PHACTR3: variants seen among roughly 807,000 people sequenced by gnomAD.
The protein encoded by PHACTR3 is phosphatase and actin regulator 3.
PHACTR3 carries 16 observed loss-of-function variants against 66.8 expected under a neutral mutation model. The ratio of observed to expected loss-of-function variants is 0.24; its 90% confidence interval spans 0.16 to 0.36. The LOEUF (loss-of-function observed/expected upper bound fraction) is 0.36. Ranked by LOEUF, PHACTR3 falls within the 10% of genes least tolerant of loss-of-function variation. The pLI is 1.00. For synonymous variants in PHACTR3, 323 were observed against 292.1 expected (o/e 1.11, Z -1.08); for missense variants, 647 against 719.9 (o/e 0.90, Z 1.16).
At chr20:59,805,964 C>T in intron 7 of PHACTR3, 77 bp from the exon 8 acceptor site, 2 of 1,489,448 alleles carry the variant, frequency 1.3e-6, no homozygotes, top group Non-Finnish European at 1.8e-6. Context: ...TGGGCGGCTC[C>T]ATTGACAAGC....
chr20:59,748,289 A>G (rs7268532), intron 3 of PHACTR3, among the ~76,000 whole-genome samples: 9,039 of 151,852 alleles, frequency 0.06, 444 homozygotes, highest in African/African-American at 0.13. Context: ...GCGGGGTGGG[A>G]TATTGTGCAC....
chr20:59,598,819 G>C (rs2023391704), intron 1 of PHACTR3, among the ~76,000 whole-genome samples: 1 of 152,172 alleles, frequency 6.6e-6, no homozygotes, highest in Admixed American at 6.5e-5. Flanking sequence ...TGTTTTTCCA[G>C]GTGACCAGCA....
At chr20:59,812,388 A>G (rs976430046) in intron 8 of PHACTR3, among the ~76,000 whole-genome samples, 1 of 152,172 alleles carries the variant, frequency 6.6e-6, no homozygotes, top group African/African-American at 2.4e-5. Flanking sequence ...CCTCCAGAAC[A>G]CGCTGCACCC....
Position 59,773,165 on chromosome 20 carries a change from C to T in PHACTR3, c.752-114C>T, listed in dbSNP as rs183751499. 1,184 of 1,237,074 alleles carry T rather than the reference C, an allele frequency of 9.6e-4. 7 individuals are homozygous for T. In the African/African-American group the frequency reaches 0.016, roughly 17 times the overall value. The allele number at this position is 1,237,074 out of a possible 1,614,324, so 76.6% of individuals were successfully genotyped here. On this transcript the variant is annotated intron_variant, in intron 5 of 12. Coordinates refer to ENST00000371015, the MANE Select transcript of PHACTR3 (RefSeq NM_080672.5). ...CCAGCATCTTGGCATTAGTTGGGGC[C>T]CCTCCTGGAGGTGCAGGGGAGCGTC...
At chr20:59,578,920 G>T (rs989845249) in intron 1 of PHACTR3, among the ~76,000 whole-genome samples, 3 of 152,176 alleles carry the variant, frequency 2.0e-5, no homozygotes, top group Non-Finnish European at 4.4e-5. Context: ...CCTACTGAGC[G>T]CCAGTCCCAG....
intron 1 of PHACTR3, among the ~76,000 whole-genome samples, chr20:59,652,900 G>A (rs558098045): frequency 2.6e-5 from 4 of 152,032 alleles, no homozygotes; most frequent in South Asian, 2.1e-4. Context: ...ATGTGTTCAC[G>A]TGTGCATTTT....
chr20:59,801,023 A>G (rs2041397428), intron 7 of PHACTR3, among the ~76,000 whole-genome samples: 1 of 152,148 alleles, frequency 6.6e-6, no homozygotes, highest in South Asian at 2.1e-4. Flanking sequence ...CTGCTATCTC[A>G]TCATTTCAGA....
At chr20:59,693,281 C>T (rs1212475126) in intron 1 of PHACTR3, among the ~76,000 whole-genome samples, 4 of 152,302 alleles carry the variant, frequency 2.6e-5, no homozygotes, top group South Asian at 2.1e-4. Flanking sequence ...GCCCACAATC[C>T]GTCCCCATCT....
upstream of PHACTR3, among the ~76,000 whole-genome samples, chr20:59,601,133 C>T (rs921894918): frequency 2.0e-5 from 3 of 152,164 alleles, no homozygotes; most frequent in African/African-American, 7.2e-5. Context: ...GCAGTCAGCC[C>T]CTCTCTTCTC....
At chr20:59,720,779 A>G (rs1296281598) in intron 1 of PHACTR3, among the ~76,000 whole-genome samples, 3 of 152,226 alleles carry the variant, frequency 2.0e-5, no homozygotes, top group Non-Finnish European at 2.9e-5. Flanking sequence ...CAGATTCCAG[A>G]AGGAACTGCT....
rs1454105660 is a variant in PHACTR3, at chr20:59,647,156, C to T, written c.118+42024C>T. Among the ~76,000 whole-genome samples, 7 of 152,258 alleles carry T rather than the reference C, an allele frequency of 4.6e-5. No individual in the cohort carries two copies. In the East Asian group the frequency reaches 1.4e-3, roughly 29 times the overall value. ...CCACAGTTCCACATGGCTGGGGAGG[C>T]CTCACAATCATGGCGGAAGGCAAAG... On this transcript the variant is annotated intron_variant, in intron 1 of 12. Transcript: ENST00000371015.
intron 1 of PHACTR3, among the ~76,000 whole-genome samples, chr20:59,734,418 A>T (rs2038872591): frequency 6.6e-6 from 1 of 151,086 alleles, no homozygotes; most frequent in South Asian, 2.1e-4. Context: ...CACCGAGCTA[A>T]TTTTTTTTTC....
intron 1 of PHACTR3, among the ~76,000 whole-genome samples, chr20:59,585,195 C>T (rs1312947349): frequency 6.6e-6 from 1 of 152,184 alleles, no homozygotes; most frequent in Non-Finnish European, 1.5e-5. Context: ...CACAGTCCCA[C>T]TTCTGCCTTA....
intron 1 of PHACTR3, among the ~76,000 whole-genome samples, chr20:59,593,752 A>G (rs139689428): frequency 6.6e-6 from 1 of 152,296 alleles, no homozygotes; most frequent in African/African-American, 2.4e-5. Context: ...CATTTGTTGA[A>G]AAGACTTTCT....
At chr20:59,686,509 GTGA>G in intron 1 of PHACTR3, among the ~76,000 whole-genome samples, 1 of 152,064 alleles carries the variant, frequency 6.6e-6, no homozygotes, top group East Asian at 1.9e-4. Flanking sequence ...GATGATGGTG[GTGA>G]TGATTGTGAT....
At chr20:59,633,578 T>G (rs1399557855) in intron 1 of PHACTR3, among the ~76,000 whole-genome samples, 1 of 152,226 alleles carries the variant, frequency 6.6e-6, no homozygotes, top group Non-Finnish European at 1.5e-5. Context: ...TGTATACCTA[T>G]GTAACAAACC....
At chr20:59,836,187 A>G in intron 8 of PHACTR3, 1 of 262,778 alleles carries the variant, frequency 3.8e-6, no homozygotes, top group East Asian at 8.6e-5. Flanking sequence ...CTCGCTGCTT[A>G]AACACACTGC....
chr20:59,773,438 A>G lies in PHACTR3; in HGVS notation c.911A>G (p.Lys304Arg). ...GAGCTGCACAGGGCGCTGGCCACGA[A>G]GCACCGCCAGGACAGGTGAGGCCCT... ...IEELHRALATKHRQDSFQGRE... is the reference protein window; with the variant it reads ...IEELHRALATRHRQDSFQGRE... Residue 304 changes from lysine (K) to arginine (R), a missense_variant, in exon 6 of 13, where the codon AAG becomes AGG. This residue lies in a region of PHACTR3 where 577 missense variants were observed against 571.1 expected (regional missense o/e 1.01). Transcript: ENST00000371015. The G allele has an allele frequency of 2.5e-6, 4 of 1,611,536 alleles. No homozygotes were observed. The highest frequency in any genetic ancestry group is 3.4e-6 in the Non-Finnish European group (4 of 1,179,032).
At chr20:59,668,132 G>A (rs1318324090) in intron 1 of PHACTR3, among the ~76,000 whole-genome samples, 3 of 151,730 alleles carry the variant, frequency 2.0e-5, no homozygotes, top group Non-Finnish European at 4.4e-5. Flanking sequence ...GGACACGTAT[G>A]CCTGTACGGG....
Sources: allele counts gnomAD v4.1 joint callset (sites outside exome capture counted in the v4.1 genomes callset), GRCh38; gene constraint gnomAD v4.1.1; regional missense constraint gnomAD v4.1.1; transcripts MANE v1.5; gene names NCBI Gene and HGNC (gene_info 2026-07-23, HGNC 2026-07-21).